ZNF737: variants seen among roughly 807,000 people sequenced by gnomAD.
ZNF737 encodes the protein zinc finger protein 102 (Y3).
ZNF737 carries 13 observed loss-of-function variants against 11.7 expected under a neutral mutation model. The ratio of observed to expected loss-of-function variants is 1.11; its 90% CI spans 0.73 to 1.77. ZNF737 has a LOEUF of 1.77. Among genes scored for constraint, ZNF737 ranks in the 40% most tolerant of loss-of-function variants. The pLI is 0.00. For synonymous variants in ZNF737, 217 were observed against 216.2 expected, an observed-to-expected ratio of 1.00 and a Z score of -0.03; for missense variants, 636 against 638.0, an observed-to-expected ratio of 1.00 and a Z score of 0.03.
Position 20,540,091 on chromosome 19 carries a change from C to T in ZNF737, c.*4501G>A. ...CTCTGCCATAGAATCCTCTTATGTT[C>T]CTTACTGGAAGCAACATGGAGGAGG... On this transcript the variant is annotated 3_prime_UTR_variant, in exon 4 of 4. Transcript: ENST00000427401. The T allele has an allele frequency of 1.5e-5, 15 of 985,264 alleles. No homozygotes were observed. Among genetic ancestry groups the T allele is most frequent in the Non-Finnish European group, 1.8e-5 (15 of 829,906 alleles). The allele number at this position is 985,264 out of a possible 1,614,324, so 61.0% of individuals were successfully genotyped here.
At chr19:20,530,608 G>A in the ZNF737 span, among the ~76,000 whole-genome samples, 2 of 148,518 alleles carry the variant, frequency 1.3e-5, no homozygotes, top group African/African-American at 5.0e-5. Context: ...GCCGGGCCGA[G>A]GTGCTCCTCA....
intron 1 of ZNF737, among the ~76,000 whole-genome samples, chr19:20,555,192 C>T (rs7256120): frequency 0.43 from 64,368 of 148,440 alleles, 15,619 homozygotes; most frequent in African/African-American, 0.66. Context: ...CTTTTCTTTT[C>T]TTTTTTTTGA....
chr19:20,550,024 G>A (rs1463705379), intron 3 of ZNF737, among the ~76,000 whole-genome samples: 1 of 151,858 alleles, frequency 6.6e-6, no homozygotes, highest in Non-Finnish European at 1.5e-5. Context: ...AGCATGCACT[G>A]TGTGGCAGTA....
At position 20,544,467 on chromosome 19, in the gene ZNF737, G is replaced by T; in HGVS notation, c.*125C>A. 1.3e-6 allele frequency: 2 copies of T among 1,510,180 alleles called. No individual in the cohort carries two copies. Among genetic ancestry groups the T allele is most frequent in the Non-Finnish European group, 1.8e-6 (2 of 1,138,210 alleles). 93.5% of individuals were successfully genotyped at this position (1,510,180 alleles called of 1,614,324 possible). Reference sequence around the variant, plus strand: ...GCATGAATTATCTAATGTCTACTAAGGTTTGAGGATGAAATAAAGGCTTTG... The same window carrying T: ...GCATGAATTATCTAATGTCTACTAATGTTTGAGGATGAAATAAAGGCTTTG... On this transcript the variant is annotated 3_prime_UTR_variant, in exon 4 of 4. Coordinates refer to ENST00000427401, the MANE Select transcript of ZNF737 (RefSeq NM_001159293.2).
At chr19:20,557,345 A>C (rs1968925006) in intron 1 of ZNF737, among the ~76,000 whole-genome samples, 1 of 152,174 alleles carries the variant, frequency 6.6e-6, no homozygotes, top group Non-Finnish European at 1.5e-5. Flanking sequence ...CAAGACTACA[A>C]GATAGGGTCA....
In ZNF737 at chr19:20,541,441, GATTTTATTTTT is replaced by G; in HGVS notation, c.*3140_*3150del. On this transcript the variant is annotated 3_prime_UTR_variant, in exon 4 of 4. Coordinates refer to ENST00000427401, the MANE Select transcript of ZNF737 (RefSeq NM_001159293.2). ...ATTTTTCAGGACTCAGAAATGTATGGATTTTATTTTTATTTTATTTTTTGAGATGGAGACTC... is the reference window on the plus strand; with the variant it reads ...ATTTTTCAGGACTCAGAAATGTATGGATTTTATTTTTTGAGATGGAGACTC... The G allele has an allele frequency of 1.0e-6, 1 of 967,446 alleles. No homozygotes were observed. Among genetic ancestry groups the G allele is most frequent in the Non-Finnish European group, 1.2e-6 (1 of 813,682 alleles). The allele number at this position is 967,446 out of a possible 1,614,324, so 59.9% of individuals were successfully genotyped here.
chr19:20,556,085 G>A (rs1423079583), intron 1 of ZNF737, among the ~76,000 whole-genome samples: 6 of 152,068 alleles, frequency 3.9e-5, no homozygotes, highest in Admixed American at 2.0e-4. Context: ...GTCCTCAGGG[G>A]CCCTCCCCTA....
At chr19:20,530,721 A>G in the ZNF737 span, among the ~76,000 whole-genome samples, 1 of 147,370 alleles carries the variant, frequency 6.8e-6, no homozygotes, top group African/African-American at 2.5e-5. Flanking sequence ...GCGGCCGGGC[A>G]GAGACCCTCC....
chr19:20,562,767 TC>T (rs1413709543), intron 1 of ZNF737, among the ~76,000 whole-genome samples: 3 of 152,124 alleles, frequency 2.0e-5, no homozygotes, highest in Non-Finnish European at 2.9e-5. Flanking sequence ...AAATAAAATA[TC>T]CCTTAATCGA....
intron 3 of ZNF737, among the ~76,000 whole-genome samples, chr19:20,548,985 T>C (rs1277977863): frequency 0.064 from 4,621 of 72,688 alleles, 157 homozygotes; most frequent in Non-Finnish European, 0.077. Flanking sequence ...AAAAAACAAT[T>C]ATGTATCTTT....
Position 20,543,473 on chromosome 19 carries a change from G to C in ZNF737, c.*1119C>G, listed in dbSNP as rs577791293. 5.9e-4 allele frequency: 581 copies of C among 985,112 alleles called. 2 individuals are homozygous for C. The African/African-American group carries it at 9.5e-3, about 16-fold the overall frequency. 61.0% of individuals were successfully genotyped at this position (985,112 alleles called of 1,614,324 possible). ...TGCCATTTTAATGCTTTTATTAAAAGGAAGATTTTTATGTTGAGTTAGATG... is the reference window on the plus strand; with the variant it reads ...TGCCATTTTAATGCTTTTATTAAAACGAAGATTTTTATGTTGAGTTAGATG... On this transcript the variant is annotated 3_prime_UTR_variant, in exon 4 of 4. Coordinates refer to ENST00000427401, the MANE Select transcript of ZNF737 (RefSeq NM_001159293.2).
In ZNF737 at chr19:20,541,859, A is replaced by G. The variant is rs1394525875; in HGVS notation, c.*2733T>C. Reference sequence around the variant, plus strand: ...ATTGGTAATACAAAAGATAAATGCTAGAGGTGATGGATACCTTATTTACCA... The same window carrying G: ...ATTGGTAATACAAAAGATAAATGCTGGAGGTGATGGATACCTTATTTACCA... On this transcript the variant is annotated 3_prime_UTR_variant, in exon 4 of 4. Coordinates refer to ENST00000427401, the MANE Select transcript of ZNF737 (RefSeq NM_001159293.2). 1 of 207,276 alleles carries G rather than the reference A, an allele frequency of 4.8e-6. No individual in the cohort carries two copies. The highest frequency in any genetic ancestry group is 8.4e-6 in the Non-Finnish European group (1 of 118,556). 12.8% of individuals were successfully genotyped at this position (207,276 alleles called of 1,614,324 possible). A position where few individuals can be genotyped will look rare whatever the true frequency, so the allele number is the denominator to read the frequency against.
In ZNF737 at chr19:20,540,793, T is replaced by C; in HGVS notation, c.*3799A>G. 1.1e-6 allele frequency: 1 copy of C among 906,084 alleles called. No individual in the cohort carries two copies. The highest frequency in any genetic ancestry group is 1.3e-6 in the Non-Finnish European group (1 of 757,770). The allele number at this position is 906,084 out of a possible 1,614,324, so 56.1% of individuals were successfully genotyped here. A position where few individuals can be genotyped will look rare whatever the true frequency, so the allele number is the denominator to read the frequency against. ...AAAAGAGTCTTTCTGCTGCTTTTGT[T>C]ATCTACATAAACAAAGATATCAACT... On this transcript the variant is annotated 3_prime_UTR_variant, in exon 4 of 4. Coordinates refer to ENST00000427401, the MANE Select transcript of ZNF737 (RefSeq NM_001159293.2).
At chr19:20,537,511 ATTTTTTT>A (rs1163609628), downstream of ZNF737, among the ~76,000 whole-genome samples, 37 of 77,092 alleles carry the variant, frequency 4.8e-4, no homozygotes, top group African/African-American at 6.8e-4. Flanking sequence ...CTGGTTTTCT[ATTTTTTT>A]TTTTTTTTTT....
rs1968147604 is a variant in ZNF737 at position 20,540,243 on chromosome 19, T to G, written c.*4349A>C. ...GGGTGTTTTTCTGTGATGTGTCTCT[T>G]TCTCTTAAAAGCACCTCTGATTAAG... On this transcript the variant is annotated 3_prime_UTR_variant, in exon 4 of 4. Coordinates refer to ENST00000427401, the MANE Select transcript of ZNF737 (RefSeq NM_001159293.2). 7 of 719,918 alleles carry G rather than the reference T, an allele frequency of 9.7e-6. No individual in the cohort carries two copies. Among genetic ancestry groups the G allele is most frequent in the Non-Finnish European group, 1.2e-5 (7 of 588,064 alleles). 44.6% of individuals were successfully genotyped at this position (719,918 alleles called of 1,614,324 possible). A position where few individuals can be genotyped will look rare whatever the true frequency, so the allele number is the denominator to read the frequency against.
At position 20,542,574 on chromosome 19, in the gene ZNF737, C is replaced by T; in HGVS notation, c.*2018G>A. On this transcript the variant is annotated 3_prime_UTR_variant, in exon 4 of 4. Transcript: ENST00000427401. ...CACTGCATTTTATTACATAAAAGTA[C>T]AAGTAGTAAAGTAATATACTCATTT... The T allele has an allele frequency of 1.0e-6, 1 of 981,078 alleles. No individual in the cohort carries two copies. 60.8% of individuals were successfully genotyped at this position (981,078 alleles called of 1,614,324 possible).
At chr19:20,549,064 T>C (rs945449403) in intron 3 of ZNF737, among the ~76,000 whole-genome samples, 1 of 149,900 alleles carries the variant, frequency 6.7e-6, no homozygotes, top group Non-Finnish European at 1.5e-5. Flanking sequence ...GTTAAACACA[T>C]GGTGATAATA....
rs570743130 is a variant in ZNF737 at position 20,541,763 on chromosome 19, T to C, written c.*2829A>G. Among the ~76,000 whole-genome samples, 12 of 152,342 alleles carry C rather than the reference T, an allele frequency of 7.9e-5. No individual in the cohort carries two copies. Among genetic ancestry groups the C allele is most frequent in the Non-Finnish European group, 1.6e-4 (11 of 68,038 alleles). On this transcript the variant is annotated 3_prime_UTR_variant, in exon 4 of 4. Coordinates refer to ENST00000427401, the MANE Select transcript of ZNF737 (RefSeq NM_001159293.2). ...CATTTTTGTATAATTATTATGATCA[T>C]AGAAATAATTCTGTAGTCAATAACA...
Position 20,553,789 on chromosome 19 carries a change from T to G in ZNF737, c.50A>C (p.Glu17Ala). The G allele has an allele frequency of 2.5e-6, 4 of 1,614,000 alleles. No individual in the cohort carries two copies. Among genetic ancestry groups the G allele is most frequent in the Non-Finnish European group, 3.4e-6 (4 of 1,179,952 alleles). Residue 17 changes from glutamate (E) to alanine (A), a missense_variant, in exon 2 of 4, where the codon GAG becomes GCG. Transcript: ENST00000427401. Reference protein sequence around the residue: ...RDVAIEFSLEEWHCLDTAQRN... With the variant: ...RDVAIEFSLEAWHCLDTAQRN... ...CTGTGCAGTGTCCAGGCAATGCCAC[T>G]CCTCCAGAGAGAATTCTATGGCCAC...
Sources: allele counts gnomAD v4.1 joint callset (sites outside exome capture counted in the v4.1 genomes callset), GRCh38; gene constraint gnomAD v4.1.1; transcripts MANE v1.5; gene names NCBI Gene and HGNC (gene_info 2026-07-23, HGNC 2026-07-21).